Variants in RBMS3 observed in about 807,000 individuals in gnomAD.
The protein encoded by RBMS3 is RNA-binding motif, single-stranded-interacting protein 3.
Under a neutral mutation model 66.8 loss-of-function variants are expected in RBMS3, and 27 were observed. The ratio of observed to expected loss-of-function variants is 0.40; its 90% CI spans 0.30 to 0.56. The LOEUF (loss-of-function observed/expected upper bound fraction) is 0.56. Among genes scored for constraint, RBMS3 ranks in the 20% least tolerant of loss-of-function variants. The pLI, the probability that RBMS3 is intolerant of heterozygous loss-of-function variation, is 0.40. For synonymous variants in RBMS3, 188 were observed against 183.0 expected, an observed-to-expected ratio of 1.03 and a Z score of -0.22; for missense variants, 513 against 549.5, an observed-to-expected ratio of 0.93 and a Z score of 0.66.
intron 10 of RBMS3, among the ~76,000 whole-genome samples, chr3:29,929,494 C>T (rs1451207812): frequency 6.6e-6 from 1 of 151,986 alleles, no homozygotes. Flanking sequence ...AACCATTATT[C>T]ACAGTTGAAT....
At chr3:29,292,919 C>T (rs182191615) in intron 1 of RBMS3, among the ~76,000 whole-genome samples, 50 of 151,910 alleles carry the variant, frequency 3.3e-4, no homozygotes, top group East Asian at 7.8e-4. Context: ...GGGGAAAATA[C>T]GTCAATGTAA....
intron 4 of RBMS3, among the ~76,000 whole-genome samples, chr3:29,676,061 G>A (rs1291789651): frequency 1.3e-5 from 2 of 152,212 alleles, no homozygotes; most frequent in African/African-American, 4.8e-5. Flanking sequence ...TTAAGCAAAT[G>A]TGGCACATAT....
intron 1 of RBMS3, among the ~76,000 whole-genome samples, chr3:29,298,533 A>C (rs187042974): frequency 6.6e-5 from 10 of 152,030 alleles, no homozygotes; most frequent in Non-Finnish European, 4.4e-5. Context: ...TTTCACTTTC[A>C]ATTATAAAGA....
intron 1 of RBMS3, among the ~76,000 whole-genome samples, chr3:29,318,744 G>C (rs1455715591): frequency 6.6e-6 from 1 of 151,820 alleles, no homozygotes; most frequent in Non-Finnish European, 1.5e-5. Flanking sequence ...ATTGTGCTAT[G>C]TGCTAGGGAT....
chr3:29,587,474 T>G (rs1191846298), intron 4 of RBMS3, among the ~76,000 whole-genome samples: 1 of 151,810 alleles, frequency 6.6e-6, no homozygotes, highest in Non-Finnish European at 1.5e-5. Context: ...CCTATATTTA[T>G]TATTGTATCT....
chr3:29,857,820 T>G (rs893944214), intron 6 of RBMS3, among the ~76,000 whole-genome samples: 7 of 152,034 alleles, frequency 4.6e-5, no homozygotes, highest in Admixed American at 1.3e-4. Flanking sequence ...CTGACCTCAA[T>G]CAAATCAAAT....
chr3:29,505,522 G>T (rs201688025), intron 3 of RBMS3, among the ~76,000 whole-genome samples: 2,635 of 129,576 alleles, frequency 0.02, 91 homozygotes, highest in African/African-American at 0.075. Context: ...TTTTTTTGTT[G>T]TTTGTTTGTT....
intron 1 of RBMS3, among the ~76,000 whole-genome samples, chr3:29,321,245 C>A (rs1377826331): frequency 6.6e-6 from 1 of 152,024 alleles, no homozygotes; most frequent in East Asian, 1.9e-4. Context: ...TATGTAATCC[C>A]AGCAACTTCC....
intron 2 of RBMS3, 155 bp downstream of exon 2, chr3:29,435,070 T>C (rs1027227155): frequency 2.4e-6 from 2 of 823,008 alleles, no homozygotes; most frequent in Admixed American, 3.1e-5. Flanking sequence ...TCAATGCTAG[T>C]TTATTTTGGG....
chr3:29,976,493 G>A (rs1298129306), intron 12 of RBMS3, among the ~76,000 whole-genome samples: 1 of 152,078 alleles, frequency 6.6e-6, no homozygotes, highest in Admixed American at 6.6e-5. Flanking sequence ...AGTCTGGATA[G>A]AGATCTAGTT....
intron 4 of RBMS3, among the ~76,000 whole-genome samples, chr3:29,634,746 A>G (rs543168557): frequency 6.6e-6 from 1 of 151,870 alleles, no homozygotes; most frequent in East Asian, 1.9e-4. Flanking sequence ...TTCTGGGGGA[A>G]CCATAACCAG....
chr3:29,548,051 T>TC (rs919683492), intron 3 of RBMS3, among the ~76,000 whole-genome samples: 4 of 151,910 alleles, frequency 2.6e-5, no homozygotes, highest in Non-Finnish European at 4.4e-5. Context: ...CGCCTCAGCC[T>TC]CCCAAACTGC....
At chr3:29,472,986 G>T (rs1309951974) in intron 2 of RBMS3, among the ~76,000 whole-genome samples, 3 of 64,898 alleles carry the variant, frequency 4.6e-5, no homozygotes, top group Non-Finnish European at 9.0e-5. Flanking sequence ...TACAATCCCT[G>T]AGCTAGACAC....
intron 3 of RBMS3, among the ~76,000 whole-genome samples, chr3:29,571,940 CCTCTT>C (rs1314420397): frequency 3.3e-5 from 5 of 151,568 alleles, no homozygotes; most frequent in African/African-American, 1.2e-4. Context: ...TTTTTTGTGT[CCTCTT>C]CAATTTCTTT....
At chr3:29,933,682 TAGAA>T (rs2061190094) in intron 10 of RBMS3, among the ~76,000 whole-genome samples, 3 of 152,282 alleles carry the variant, frequency 2.0e-5, no homozygotes, top group South Asian at 4.1e-4. Context: ...CTGATCTGCT[TAGAA>T]AGAACTGTTC....
At chr3:29,738,306 A>C (rs2149346866) in intron 4 of RBMS3, among the ~76,000 whole-genome samples, 1 of 152,238 alleles carries the variant, frequency 6.6e-6, no homozygotes, top group South Asian at 2.1e-4. Flanking sequence ...TTCTTTTTCT[A>C]ATTTAATGTC....
Position 29,662,151 on chromosome 3 carries a change from A to G in RBMS3, c.399+74946A>G, listed in dbSNP as rs150782054. 2.6e-3 allele frequency among the ~76,000 whole-genome samples: 400 copies of G among 152,328 alleles called. 3 individuals carry two copies. Among genetic ancestry groups the G allele is most frequent in the African/African-American group, 9.3e-3 (387 of 41,572 alleles). ...GGGATTGTTCTGTTAAAAATACAACACATAGAGAAAAAAGAATGTGATAAC... is the reference window on the plus strand; with the variant it reads ...GGGATTGTTCTGTTAAAAATACAACGCATAGAGAAAAAAGAATGTGATAAC... On this transcript the variant is annotated intron_variant, in intron 4 of 14. Coordinates refer to ENST00000383767, the MANE Select transcript of RBMS3 (RefSeq NM_001003793.3).
At chr3:29,849,525 GAA>G (rs5847599) in intron 6 of RBMS3, among the ~76,000 whole-genome samples, 3 of 107,330 alleles carry the variant, frequency 2.8e-5, no homozygotes, top group East Asian at 3.1e-4. Flanking sequence ...ACTTAAAAAA[GAA>G]AAAAAAAAAA....
intron 4 of RBMS3, among the ~76,000 whole-genome samples, chr3:29,710,260 T>C (rs2053107095): frequency 6.6e-6 from 1 of 152,226 alleles, no homozygotes; most frequent in Non-Finnish European, 1.5e-5. Context: ...TGATGGGTGA[T>C]AGTCATTAAG....
Sources: allele counts gnomAD v4.1 joint callset (sites outside exome capture counted in the v4.1 genomes callset), GRCh38; gene constraint gnomAD v4.1.1; transcripts MANE v1.5; gene names NCBI Gene and HGNC (gene_info 2026-07-23, HGNC 2026-07-21).